Variants in CCDC33 observed in about 807,000 individuals in gnomAD.
The protein encoded by CCDC33 is coiled-coil domain-containing protein 33.
Under a neutral mutation model 91.9 loss-of-function variants are expected in CCDC33, and 94 were observed. The observed-to-expected ratio is 1.02, with a 90% CI of 0.87 to 1.21. The LOEUF (loss-of-function observed/expected upper bound fraction) is 1.21. Among genes scored for constraint, CCDC33 ranks in the 50% most tolerant of loss-of-function variants. The pLI is 0.00. For synonymous variants in CCDC33, 396 were observed against 374.5 expected (o/e 1.06, Z -0.66); for missense variants, 940 against 935.5 (o/e 1.00, Z -0.06).
At chr15:74,245,196 C>A (rs1159500582) in intron 2 of CCDC33, among the ~76,000 whole-genome samples, 1 of 152,194 alleles carries the variant, frequency 6.6e-6, no homozygotes, top group Non-Finnish European at 1.5e-5. Flanking sequence ...CCATTTCCCT[C>A]AACAATGCAT....
intron 6 of CCDC33, 140 bp from the exon 7 acceptor site, chr15:74,272,628 TGTC>T (rs1423090111): frequency 1.1e-5 from 11 of 1,000,322 alleles, no homozygotes; most frequent in Middle Eastern, 3.2e-4. Flanking sequence ...GGTCCCCACT[TGTC>T]GTGAGGTCCA....
chr15:74,269,081 C>T (rs1326998219), intron 5 of CCDC33, among the ~76,000 whole-genome samples: 5 of 152,218 alleles, frequency 3.3e-5, no homozygotes, highest in Non-Finnish European at 7.3e-5. Context: ...GACCCATCAC[C>T]ATCCACCCCC....
chr15:74,278,266 C>G (rs1242592928), intron 7 of CCDC33, among the ~76,000 whole-genome samples: 1 of 152,086 alleles, frequency 6.6e-6, no homozygotes, highest in Non-Finnish European at 1.5e-5. Context: ...CATCAGCACC[C>G]TGCCACTGTG....
chr15:74,246,468 A>C (rs2075532431), intron 2 of CCDC33, among the ~76,000 whole-genome samples: 1 of 152,258 alleles, frequency 6.6e-6, no homozygotes, highest in Admixed American at 6.5e-5. Context: ...CATACAACTC[A>C]ATAGCAAAAA....
chr15:74,320,439 G>A (rs1322429621), intron 11 of CCDC33, among the ~76,000 whole-genome samples: 1 of 151,986 alleles, frequency 6.6e-6, no homozygotes, highest in Non-Finnish European at 1.5e-5. Context: ...CTCCTAGGGT[G>A]TGAGCCATGT....
At chr15:74,329,249 CT>C (rs2060376181) in intron 11 of CCDC33, among the ~76,000 whole-genome samples, 1 of 151,998 alleles carries the variant, frequency 6.6e-6, no homozygotes, top group African/African-American at 2.4e-5. Context: ...TTGTAGCCTG[CT>C]TTTATCACTT....
intron 11 of CCDC33, chr15:74,319,837 G>C (rs553691974): frequency 6.6e-6 from 1 of 152,272 alleles, no homozygotes; most frequent in Admixed American, 6.5e-5. Flanking sequence ...GTCAGCTGCC[G>C]GCCAAGGCCC....
At chr15:74,332,347 T>C (rs1271366931) in intron 15 of CCDC33, among the ~76,000 whole-genome samples, 1 of 152,046 alleles carries the variant, frequency 6.6e-6, no homozygotes, top group Non-Finnish European at 1.5e-5. Flanking sequence ...TGGATGAGAC[T>C]GAGAAGGCAA....
chr15:74,219,941 C>T (rs1220030681), intron 2 of CCDC33, among the ~76,000 whole-genome samples: 3 of 152,248 alleles, frequency 2.0e-5, no homozygotes, highest in South Asian at 2.1e-4. Flanking sequence ...GGCCCATCTG[C>T]GGTGCTTCTC....
intron 2 of CCDC33, among the ~76,000 whole-genome samples, chr15:74,210,103 G>C (rs1009680945): frequency 1.3e-5 from 2 of 152,188 alleles, no homozygotes; most frequent in Non-Finnish European, 2.9e-5. Context: ...AGCCAGCTTG[G>C]ATCTGATCAC....
intron 11 of CCDC33, among the ~76,000 whole-genome samples, chr15:74,314,056 GTC>G: frequency 6.6e-6 from 1 of 152,320 alleles, no homozygotes; most frequent in Middle Eastern, 3.4e-3. Flanking sequence ...CTAGGACTGT[GTC>G]TCCTCCTTAT....
At chr15:74,314,938 A>G (rs1178194821) in intron 11 of CCDC33, among the ~76,000 whole-genome samples, 1 of 152,216 alleles carries the variant, frequency 6.6e-6, no homozygotes, top group Non-Finnish European at 1.5e-5. Context: ...GAGAAGTCTG[A>G]CAGCCTGCCA....
intron 11 of CCDC33, chr15:74,300,137 C>A (rs889223556): frequency 6.6e-6 from 1 of 152,196 alleles, no homozygotes; most frequent in African/African-American, 2.4e-5. Flanking sequence ...AGCAATGGGT[C>A]ACTCTTCCAT....
chr15:74,207,245 G>T (rs1402260408), intron 1 of CCDC33, among the ~76,000 whole-genome samples: 1 of 152,188 alleles, frequency 6.6e-6, no homozygotes, highest in Admixed American at 6.5e-5. Flanking sequence ...AAGGAATGGG[G>T]AAGGCCAGCA....
At chr15:74,314,493 T>C (rs1056381864) in intron 11 of CCDC33, among the ~76,000 whole-genome samples, 1 of 152,144 alleles carries the variant, frequency 6.6e-6, no homozygotes, top group African/African-American at 2.4e-5. Flanking sequence ...AGACAGTGGA[T>C]TCAGTTAGGG....
intron 5 of CCDC33, 54 bp from the exon 6 acceptor site, chr15:74,271,649 G>C: frequency 7.1e-7 from 1 of 1,406,990 alleles, no homozygotes; most frequent in Non-Finnish European, 1.0e-6. Flanking sequence ...GGCTGTCTCT[G>C]GAAGGTCCCA....
rs1210939226 is a variant in CCDC33, at chr15:74,268,393, G to A, written c.481G>A (p.Ala161Thr). ...AGCCACTGCCAAGACCCAGTTGTAC[G>A]CAACAGTCGTTCGGAAGAGCAGCTT... ...DEATAKTQLY[A>T]TVVRKSSFIP... is the part of the protein sequence containing the mutation. The change falls in exon 5 of 19, where the codon GCA becomes ACA. Residue 161 changes from alanine (A) to threonine (T), a missense_variant. Ala to Thr is a moderately conservative substitution (Grantham distance 58). Transcript: ENST00000398814. 11 of 1,605,108 alleles carry A rather than the reference G, an allele frequency of 6.9e-6. No individual in the cohort carries two copies. The highest frequency in any genetic ancestry group is 3.4e-5 in the Admixed American group (2 of 59,348).
intron 2 of CCDC33, among the ~76,000 whole-genome samples, chr15:74,245,217 C>T (rs965169623): frequency 2.6e-5 from 4 of 152,212 alleles, no homozygotes; most frequent in Non-Finnish European, 5.9e-5. Flanking sequence ...CCAACATAGG[C>T]CTGAGCCCAA....
At chr15:74,219,952 T>C (rs751174567) in intron 2 of CCDC33, among the ~76,000 whole-genome samples, 1 of 152,138 alleles carries the variant, frequency 6.6e-6, no homozygotes, top group Non-Finnish European at 1.5e-5. Context: ...GGTGCTTCTC[T>C]CCCTGCAGTG....
Sources: gnomAD v4.1 joint callset for allele counts (sites outside exome capture counted in the v4.1 genomes callset) on GRCh38, gnomAD v4.1.1 for gene constraint, MANE v1.5 for transcripts, NCBI Gene and HGNC (gene_info 2026-07-23, HGNC 2026-07-21) for gene names.